Variants in THSD4 observed in about 807,000 individuals in gnomAD.
THSD4 encodes thrombospondin type-1 domain-containing protein 4.
THSD4 carries 69 observed loss-of-function variants against 119.0 expected under a neutral mutation model. The ratio of observed to expected loss-of-function variants is 0.58; its 90% CI spans 0.48 to 0.71. The LOEUF is 0.71. Among genes scored for constraint, THSD4 ranks in the 30% least tolerant of loss-of-function variants. THSD4 has a pLI of 0.00. For missense variants in THSD4, 1,393 were observed against 1,391.1 expected, an observed-to-expected ratio of 1.00 and a Z score of -0.02; for synonymous variants, 524 against 540.4, an observed-to-expected ratio of 0.97 and a Z score of 0.42.
intron 6 of THSD4, among the ~76,000 whole-genome samples, chr15:71,295,258 G>A (rs2044847634): frequency 6.6e-6 from 1 of 152,162 alleles, no homozygotes; most frequent in South Asian, 2.1e-4. Context: ...GAGTCCCTAG[G>A]AAGTGAAGTG....
At chr15:71,407,073 C>A (rs2046619397) in intron 6 of THSD4, among the ~76,000 whole-genome samples, 1 of 152,106 alleles carries the variant, frequency 6.6e-6, no homozygotes, top group African/African-American at 2.4e-5. Flanking sequence ...GTACTTTTCT[C>A]TAGTAACAAT....
chr15:71,183,075 T>A (rs976605700), intron 3 of THSD4: 4 of 151,704 alleles, frequency 2.6e-5, no homozygotes, highest in Non-Finnish European at 5.9e-5. Context: ...GACTGGGTAA[T>A]TTATAAAGGA....
intron 7 of THSD4, among the ~76,000 whole-genome samples, chr15:71,567,253 G>A (rs1176922841): frequency 1.3e-5 from 2 of 152,130 alleles, no homozygotes; most frequent in African/African-American, 2.4e-5. Context: ...TTTAGTTTGG[G>A]TTCCCCCAGA....
intron 6 of THSD4, among the ~76,000 whole-genome samples, chr15:71,307,304 C>T (rs12917206): frequency 0.55 from 83,856 of 152,034 alleles, 23,947 homozygotes; most frequent in East Asian, 0.72. Context: ...TCTGTGTCAC[C>T]GTCTTCCCAC....
At chr15:71,748,241 G>A (rs1433320249) in intron 13 of THSD4, among the ~76,000 whole-genome samples, 180 bp from the exon 14 acceptor site, 1 of 152,168 alleles carries the variant, frequency 6.6e-6, no homozygotes, top group Non-Finnish European at 1.5e-5. Context: ...CATCTAAGAA[G>A]GTCTTGTAGA....
intron 7 of THSD4, among the ~76,000 whole-genome samples, chr15:71,654,467 G>C (rs2051150645): frequency 6.6e-6 from 1 of 152,122 alleles, no homozygotes; most frequent in African/African-American, 2.4e-5. Flanking sequence ...ACTGTGATGA[G>C]CCCTTCATAC....
At chr15:71,616,171 C>T (rs2050315820) in intron 7 of THSD4, among the ~76,000 whole-genome samples, 1 of 152,120 alleles carries the variant, frequency 6.6e-6, no homozygotes, top group African/African-American at 2.4e-5. Context: ...AAAAAAAAAT[C>T]TGTTGAACAG....
At chr15:71,198,121 C>T (rs1222178644) in intron 3 of THSD4, among the ~76,000 whole-genome samples, 2 of 152,136 alleles carry the variant, frequency 1.3e-5, no homozygotes, top group Non-Finnish European at 2.9e-5. Context: ...ATTGACCAGG[C>T]ATGGTGCCAT....
chr15:71,499,267 A>G (rs112103506), intron 7 of THSD4, among the ~76,000 whole-genome samples: 2,110 of 151,988 alleles, frequency 0.014, 17 homozygotes, highest in Middle Eastern at 0.052. Context: ...TCTAAGTTCA[A>G]TCCTTCCTCC....
intron 8 of THSD4, among the ~76,000 whole-genome samples, chr15:71,715,311 A>G (rs777422027): frequency 6.6e-5 from 10 of 152,216 alleles, no homozygotes; most frequent in Non-Finnish European, 1.3e-4. Context: ...TCCTGCCATC[A>G]TCTTGGAACC....
At chr15:71,600,147 C>G (rs2049979188) in intron 7 of THSD4, among the ~76,000 whole-genome samples, 1 of 152,232 alleles carries the variant, frequency 6.6e-6, no homozygotes, top group African/African-American at 2.4e-5. Context: ...TACTAATTAG[C>G]TACAGTCAAT....
At chr15:71,495,565 C>T (rs1025215890) in intron 7 of THSD4, among the ~76,000 whole-genome samples, 1 of 152,160 alleles carries the variant, frequency 6.6e-6, no homozygotes, top group Non-Finnish European at 1.5e-5. Context: ...GTGCTCGGGA[C>T]ATCCAATACC....
At chr15:71,625,107 A>T (rs915910680) in intron 7 of THSD4, among the ~76,000 whole-genome samples, 1 of 152,106 alleles carries the variant, frequency 6.6e-6, no homozygotes, top group Non-Finnish European at 1.5e-5. Flanking sequence ...TCCAGGTTCA[A>T]GTGATTCTCC....
intron 3 of THSD4, among the ~76,000 whole-genome samples, chr15:71,202,327 G>A (rs960932988): frequency 3.9e-5 from 6 of 152,092 alleles, no homozygotes; most frequent in Admixed American, 1.3e-4. Flanking sequence ...GTTTAGGGTG[G>A]TCATCTCTTG....
Position 71,620,876 on chromosome 15 carries a change from T to G in THSD4, c.1153-39654T>G, listed in dbSNP as rs2050408091. The stretch of plus-strand genomic sequence containing the variant: ...AAAGGCTAATAAGCAGCAGGGTCAG[T>G]TTCTGGCTGGGAGTCCAACCTATGT... On this transcript the variant is annotated intron_variant, in intron 7 of 17. Coordinates refer to ENST00000261862, the MANE Select transcript of THSD4 (RefSeq NM_024817.3). 4.6e-5 allele frequency among the ~76,000 whole-genome samples: 7 copies of G among 152,270 alleles called. No homozygotes were observed. In the South Asian group the frequency reaches 1.5e-3, roughly 32 times the overall value.
At chr15:71,334,394 A>C (rs1418166480) in intron 6 of THSD4, among the ~76,000 whole-genome samples, 1 of 152,232 alleles carries the variant, frequency 6.6e-6, no homozygotes, top group Non-Finnish European at 1.5e-5. Flanking sequence ...TTTCTAGATG[A>C]ACAGGTCACA....
intron 3 of THSD4, among the ~76,000 whole-genome samples, chr15:71,155,815 C>A (rs1374302775): frequency 6.6e-6 from 1 of 152,178 alleles, no homozygotes; most frequent in Non-Finnish European, 1.5e-5. Context: ...AGGGATGGAA[C>A]TGGAAGATAA....
At chr15:71,776,109 C>T (rs7168147) in intron 17 of THSD4, among the ~76,000 whole-genome samples, 1 of 152,054 alleles carries the variant, frequency 6.6e-6, no homozygotes, top group South Asian at 2.1e-4. Flanking sequence ...GTGAAAAGAA[C>T]ATTTTAAAAC....
At chr15:71,470,335 G>T (rs1385575598) in intron 7 of THSD4, among the ~76,000 whole-genome samples, 1 of 152,070 alleles carries the variant, frequency 6.6e-6, no homozygotes, top group Admixed American at 6.5e-5. Context: ...GAGAATTTTT[G>T]TTTCTTTCCT....
Sources: allele counts gnomAD v4.1 joint callset (sites outside exome capture counted in the v4.1 genomes callset), GRCh38; gene constraint gnomAD v4.1.1; transcripts MANE v1.5; gene names NCBI Gene and HGNC (gene_info 2026-07-23, HGNC 2026-07-21).